The following ATXN7 variants were observed in gnomAD, a reference collection of about 807,000 sequenced individuals.
The protein encoded by ATXN7 is ataxin-7.
A neutral mutation model predicts 70.5 loss-of-function variants in ATXN7; 12 were observed. The observed-to-expected ratio is 0.17, with a 90% CI of 0.11 to 0.28. The LOEUF is 0.28. ATXN7 is among the 10% of genes least tolerant of loss of function. The probability of loss-of-function intolerance (pLI) is 1.00; values close to 1 mark genes in which losing one functional copy is unlikely to be tolerated. For synonymous variants in ATXN7, 498 were observed against 448.7 expected (o/e 1.11, Z -1.39); for missense variants, 1,256 against 1,131.7 (o/e 1.11, Z -1.58).
rs547258246 is a variant in ATXN7 at position 63,913,016 on chromosome 3, C to G, written c.325+93C>G. The G allele has an allele frequency of 6.3e-6, 9 of 1,433,142 alleles. No homozygotes were observed. In the East Asian group the frequency reaches 1.5e-4, roughly 23 times the overall value. 88.8% of individuals were successfully genotyped at this position (1,433,142 alleles called of 1,614,324 possible). ...CTGCCCCCCTCCTGTGACCCGCCCC[C>G]TCGAGGGGCAGAGATGCTATCGTTT... On this transcript the variant is annotated intron_variant, in intron 3 of 12. Coordinates refer to ENST00000674280, the MANE Select transcript of ATXN7 (RefSeq NM_001377405.1).
At chr3:63,971,358 C>G (rs977648353) in intron 5 of ATXN7, among the ~76,000 whole-genome samples, 1 of 152,116 alleles carries the variant, frequency 6.6e-6, no homozygotes, top group Non-Finnish European at 1.5e-5. Flanking sequence ...TCCTTTTAAG[C>G]AATTAGACTA....
chr3:63,933,083 CAACTT>C (rs1448814216), intron 4 of ATXN7, among the ~76,000 whole-genome samples: 1 of 152,156 alleles, frequency 6.6e-6, no homozygotes, highest in African/African-American at 2.4e-5. Flanking sequence ...TAAACTCAGA[CAACTT>C]AAGAGTGTAT....
In ATXN7 at chr3:63,995,572, G is replaced by A. The variant is rs367772998; in HGVS notation, c.1750G>A (p.Val584Met). 1.1e-5 allele frequency: 17 copies of A among 1,614,118 alleles called. No individual in the cohort carries two copies. The African/African-American group carries it at 2.1e-4, about 20-fold the overall frequency. ...ACGTATTCCTCACCGGACAAACTCT[G>A]TGCCGACATCACAATGTGGAGTCAG... is the stretch of plus-strand genomic sequence containing the variant. ...STRIPHRTNS[V>M]PTSQCGVSYL... is the part of the protein sequence containing the mutation. Residue 584 changes from valine (V) to methionine (M), a missense_variant, in exon 12 of 13, where the codon GTG becomes ATG. By Grantham distance (21) the Val-to-Met change is conservative (BLOSUM62 1). Transcript: ENST00000674280.
Position 63,998,109 on chromosome 3 carries a change from A to G in ATXN7, c.2662-1341A>G, listed in dbSNP as rs971966201. 10 of 984,144 alleles carry G rather than the reference A, an allele frequency of 1.0e-5. No individual in the cohort carries two copies. The East Asian group carries it at 1.0e-3, about 102-fold the overall frequency. The allele number at this position is 984,144 out of a possible 1,614,324, so 61.0% of individuals were successfully genotyped here. A position where few individuals can be genotyped will look rare whatever the true frequency, so the allele number is the denominator to read the frequency against. ...GGAAGGGGCATTCCATTGTGCTGTA[A>G]TGTCCATCTCACATCTGTATTAGTG... On this transcript the variant is annotated intron_variant, in intron 12 of 12. Coordinates refer to ENST00000674280, the MANE Select transcript of ATXN7 (RefSeq NM_001377405.1).
chr3:63,964,070 AT>A (rs1382898515), intron 5 of ATXN7, among the ~76,000 whole-genome samples: 81 of 109,084 alleles, frequency 7.4e-4, no homozygotes, highest in African/African-American at 3.5e-3. Context: ...CCTTAGACAC[AT>A]AAACACACAC....
intron 5 of ATXN7, among the ~76,000 whole-genome samples, chr3:63,965,074 A>G (rs1026243971): frequency 2.0e-5 from 3 of 152,174 alleles, no homozygotes; most frequent in Admixed American, 2.0e-4. Flanking sequence ...TGGCTTCTCA[A>G]GGATTCAGTT....
intron 1 of ATXN7, among the ~76,000 whole-genome samples, chr3:63,896,561 C>T (rs1703455416): frequency 6.6e-6 from 1 of 152,166 alleles, no homozygotes; most frequent in African/African-American, 2.4e-5. Context: ...CTTCCTCAAT[C>T]TGTTTCTTCA....
intron 8 of ATXN7, among the ~76,000 whole-genome samples, chr3:63,984,746 A>G (rs552602393): frequency 2.0e-5 from 3 of 152,350 alleles, no homozygotes; most frequent in East Asian, 3.9e-4. Context: ...TCATCTTGCT[A>G]TAACTGAAAC....
At chr3:63,989,357 G>A (rs2075629582) in intron 9 of ATXN7, among the ~76,000 whole-genome samples, 2 of 152,198 alleles carry the variant, frequency 1.3e-5, no homozygotes, top group East Asian at 1.9e-4. Flanking sequence ...CTGCCCTTGA[G>A]TAAGAGGCTG....
intron 4 of ATXN7, among the ~76,000 whole-genome samples, chr3:63,926,648 C>G (rs1478794970): frequency 6.6e-6 from 1 of 152,168 alleles, no homozygotes; most frequent in Non-Finnish European, 1.5e-5. Flanking sequence ...ACAGGCTCCA[C>G]TTGGGCTTTT....
chr3:63,900,238 C>A (rs1263441968), intron 2 of ATXN7, among the ~76,000 whole-genome samples: 5 of 152,214 alleles, frequency 3.3e-5, no homozygotes, highest in Non-Finnish European at 7.3e-5. Flanking sequence ...CCTCTGGAAT[C>A]AACTATCTTA....
intron 4 of ATXN7, among the ~76,000 whole-genome samples, chr3:63,915,798 C>T (rs1704239822): frequency 6.6e-6 from 1 of 151,852 alleles, no homozygotes; most frequent in Non-Finnish European, 1.5e-5. Flanking sequence ...TCTCTGGACT[C>T]ATCCTCCCTT....
intron 1 of ATXN7, among the ~76,000 whole-genome samples, chr3:63,870,599 T>G (rs1011512465): frequency 6.6e-6 from 1 of 152,218 alleles, no homozygotes; most frequent in African/African-American, 2.4e-5. Context: ...TGTTAAGTGT[T>G]CTCACCTTGC....
At chr3:63,884,454 TAA>T (rs1703019474) in intron 1 of ATXN7, among the ~76,000 whole-genome samples, 2 of 152,130 alleles carry the variant, frequency 1.3e-5, no homozygotes, top group Non-Finnish European at 2.9e-5. Context: ...AAGGCTCATA[TAA>T]ACATATAAAC....
chr3:63,880,119 C>T (rs1296251224), intron 1 of ATXN7, among the ~76,000 whole-genome samples: 2 of 151,962 alleles, frequency 1.3e-5, no homozygotes, highest in East Asian at 1.9e-4. Context: ...TTTAGCTTAT[C>T]AAAAGAGAGT....
intron 4 of ATXN7, among the ~76,000 whole-genome samples, chr3:63,917,816 C>T (rs544667307): frequency 6.6e-6 from 1 of 152,144 alleles, no homozygotes; most frequent in East Asian, 1.9e-4. Context: ...TTGAGTCACT[C>T]TAGTGTGTGA....
intron 4 of ATXN7, among the ~76,000 whole-genome samples, chr3:63,929,166 C>G (rs1704835280): frequency 1.3e-5 from 2 of 151,966 alleles, no homozygotes; most frequent in African/African-American, 2.4e-5. Context: ...AGGACAATGT[C>G]TACATCTGAG....
chr3:63,993,657 ACTT>A (rs2075709444), intron 11 of ATXN7, among the ~76,000 whole-genome samples: 1 of 152,204 alleles, frequency 6.6e-6, no homozygotes, highest in Non-Finnish European at 1.5e-5. Flanking sequence ...GTAATTAACT[ACTT>A]AAAAGAGCTT....
chr3:63,966,259 T>C (rs182392111), intron 5 of ATXN7, among the ~76,000 whole-genome samples: 5 of 152,310 alleles, frequency 3.3e-5, no homozygotes, highest in Admixed American at 1.3e-4. Context: ...CCTGTTCTTT[T>C]CTGCTATTGA....
Sources: gnomAD v4.1 joint callset for allele counts (sites outside exome capture counted in the v4.1 genomes callset) on GRCh38, gnomAD v4.1.1 for gene constraint, MANE v1.5 for transcripts, NCBI Gene and HGNC (gene_info 2026-07-23, HGNC 2026-07-21) for gene names.